The following RAP1GAP2 variants were observed in gnomAD, a reference collection of about 807,000 sequenced individuals.
The protein encoded by RAP1GAP2 is rap1 GTPase-activating protein 2.
RAP1GAP2 carries 27 observed loss-of-function variants against 95.0 expected under a neutral mutation model. That is an observed-to-expected ratio of 0.28 (90% CI 0.21 to 0.39). The LOEUF is 0.39. Among genes scored for constraint, RAP1GAP2 ranks in the 10% least tolerant of loss-of-function variants. The pLI, the probability that RAP1GAP2 is intolerant of heterozygous loss-of-function variation, is 1.00. For missense variants in RAP1GAP2, 771 were observed against 970.0 expected, an observed-to-expected ratio of 0.79 and a Z score of 2.72; for synonymous variants, 373 against 380.9, an observed-to-expected ratio of 0.98 and a Z score of 0.24.
chr17:3,029,837 T>C lies in RAP1GAP2; in HGVS notation c.2108-1085T>C, dbSNP rs2047236338. On this transcript the variant is annotated intron_variant, in intron 22 of 24. Transcript: ENST00000254695. The surrounding 1 kb of genome is among the most constrained non-coding windows in gnomAD (Gnocchi z 4.4). ...TAACGGAATTTTATTATACGATGGA[T>C]GTCAAACCCAGTGTACAAATACTAG... 1.3e-5 allele frequency among the ~76,000 whole-genome samples: 2 copies of C among 152,104 alleles called. No individual in the cohort carries two copies. The highest frequency in any genetic ancestry group is 4.8e-5 in the African/African-American group (2 of 41,484).
chr17:2,796,169 T>C (rs1172868754), upstream of RAP1GAP2, among the ~76,000 whole-genome samples: 1 of 152,150 alleles, frequency 6.6e-6, no homozygotes, highest in Admixed American at 6.5e-5. The surrounding 1 kb of genome is among the most constrained non-coding windows in gnomAD (Gnocchi z 4.7). Flanking sequence ...GTGGGAATCC[T>C]TGGGGCGCCT....
At chr17:3,020,341 C>T (rs555460501) in intron 18 of RAP1GAP2, 136 bp from the exon 19 acceptor site, 4 of 691,794 alleles carry the variant, frequency 5.8e-6, no homozygotes, top group Admixed American at 2.3e-5. Flanking sequence ...ACATAGATCT[C>T]AACCTTCCTA....
chr17:2,877,873 C>T (rs924056142), intron 2 of RAP1GAP2, among the ~76,000 whole-genome samples: 1 of 152,074 alleles, frequency 6.6e-6, no homozygotes, highest in Non-Finnish European at 1.5e-5. Context: ...TGGAAGGTCC[C>T]TGTAGCTCCT....
chr17:2,806,376 T>TTTATTATTATTATTATTATTATTATTA (rs4060867), intron 2 of RAP1GAP2, among the ~76,000 whole-genome samples: 63 of 139,950 alleles, frequency 4.5e-4, no homozygotes, highest in East Asian at 1.1e-3. Context: ...CTACAACCTT[T>TTTATTATTATTATTATTATTATTATTA]TTATTATTAT....
At chr17:2,921,041 T>C (rs868779703) in intron 3 of RAP1GAP2, among the ~76,000 whole-genome samples, 44 of 152,288 alleles carry the variant, frequency 2.9e-4, no homozygotes, top group African/African-American at 1.1e-3. Flanking sequence ...CCCCTCCCGC[T>C]GGCTTCTTCT....
Position 2,965,563 on chromosome 17 carries a change from C to T in RAP1GAP2, c.516C>T (p.Thr172=), listed in dbSNP as rs201169910. ...AGGATCATCTAAACTTTTACTGTAC[C>T]GGCAGCAGCCTGGGGAACTTGATCC... The part of the protein sequence containing the change: ...LGKDHLNFYC[T]GSSLGNLILS... Residue 172 remains threonine, a synonymous_variant, in exon 8 of 25, where the codon ACC becomes ACT. Coordinates refer to ENST00000254695, the MANE Select transcript of RAP1GAP2 (RefSeq NM_015085.5). The surrounding 1 kb of genome is among the most constrained non-coding windows in gnomAD (Gnocchi z 4.7). 492 of 1,612,474 alleles carry T rather than the reference C, an allele frequency of 3.1e-4. No individual in the cohort carries two copies. Among genetic ancestry groups the T allele is most frequent in the African/African-American group, 1.2e-3 (89 of 74,984 alleles).
In RAP1GAP2 at chr17:3,029,760, G is replaced by C. The variant is rs1567917856; in HGVS notation, c.2108-1162G>C. 6.6e-6 allele frequency among the ~76,000 whole-genome samples: 1 copy of C among 152,118 alleles called. No homozygotes were observed. Among genetic ancestry groups the C allele is most frequent in the Admixed American group, 6.6e-5 (1 of 15,266 alleles). ...AAAGTCAAGTGGCCCTCCTGCCAGCGGGGCACAGCGGGAAATGTTGACACC... is the reference window on the plus strand; with the variant it reads ...AAAGTCAAGTGGCCCTCCTGCCAGCCGGGCACAGCGGGAAATGTTGACACC... On this transcript the variant is annotated intron_variant, in intron 22 of 24. Coordinates refer to ENST00000254695, the MANE Select transcript of RAP1GAP2 (RefSeq NM_015085.5). This position sits in a 1 kb window ranked among gnomAD's most constrained non-coding sequence, Gnocchi z 4.4.
exon 2 of RAP1GAP2, chr17:2,770,333 G>C (rs1231604570): frequency 2.5e-6 from 1 of 398,536 alleles, no homozygotes; most frequent in African/African-American, 2.1e-5. Flanking sequence ...CCACAGGTAC[G>C]TGCAGGAAGG....
chr17:2,969,177 ATC>A (rs1035976060), intron 8 of RAP1GAP2, among the ~76,000 whole-genome samples: 230 of 100,070 alleles, frequency 2.3e-3, no homozygotes, highest in African/African-American at 7.0e-3. Context: ...CTATCTATCT[ATC>A]TATATATATA....
At chr17:2,795,543 C>T (rs926134995), upstream of RAP1GAP2, among the ~76,000 whole-genome samples, 1 of 152,232 alleles carries the variant, frequency 6.6e-6, no homozygotes. Context: ...CCCACACAGC[C>T]AGCGTGAAGC....
chr17:2,765,700 G>A (rs919684915), intron 1 of RAP1GAP2, among the ~76,000 whole-genome samples: 3 of 150,768 alleles, frequency 2.0e-5, no homozygotes, highest in Non-Finnish European at 4.4e-5. Flanking sequence ...CTGAGATCGC[G>A]CCACTGCACC....
At chr17:2,811,609 G>C (rs1007697702) in intron 2 of RAP1GAP2, among the ~76,000 whole-genome samples, 1 of 152,080 alleles carries the variant, frequency 6.6e-6, no homozygotes, top group African/African-American at 2.4e-5. Flanking sequence ...ACGGAGTCTC[G>C]CTCTGTCACC....
At chr17:2,891,917 C>G (rs1368135558) in intron 2 of RAP1GAP2, among the ~76,000 whole-genome samples, 3 of 144,580 alleles carry the variant, frequency 2.1e-5, no homozygotes, top group Admixed American at 7.4e-5. Flanking sequence ...TCTGCCTCCT[C>G]GGTTCAAGCG....
chr17:2,796,014 C>T (rs898231290), upstream of RAP1GAP2, among the ~76,000 whole-genome samples: 1 of 152,262 alleles, frequency 6.6e-6, no homozygotes, highest in Non-Finnish European at 1.5e-5. This position sits in a 1 kb window ranked among gnomAD's most constrained non-coding sequence, Gnocchi z 4.7. Context: ...GTGGCTGGTT[C>T]CTCTGGCGTG....
At chr17:2,854,037 G>A (rs1457372567) in intron 2 of RAP1GAP2, 4 of 985,046 alleles carry the variant, frequency 4.1e-6, no homozygotes, top group Non-Finnish European at 4.8e-6. Flanking sequence ...GAAAGGCGGG[G>A]ATCCGCGCCG....
intron 2 of RAP1GAP2, among the ~76,000 whole-genome samples, chr17:2,841,738 TTCCCAAATC>T (rs1176241109): frequency 2.6e-5 from 4 of 152,164 alleles, no homozygotes; most frequent in Non-Finnish European, 1.5e-5. Flanking sequence ...CCTGGCCTGT[TTCCCAAATC>T]CCCTTAAGAC....
intron 2 of RAP1GAP2, among the ~76,000 whole-genome samples, chr17:2,824,320 G>T (rs1277484295): frequency 6.6e-6 from 1 of 151,302 alleles, no homozygotes; most frequent in South Asian, 2.1e-4. Flanking sequence ...GGTGGCACAC[G>T]CCTGTAATCT....
intron 1 of RAP1GAP2, among the ~76,000 whole-genome samples, chr17:2,757,613 A>G (rs756135521): frequency 6.6e-6 from 1 of 151,992 alleles, no homozygotes; most frequent in African/African-American, 2.4e-5. Flanking sequence ...CTCTGTCTCC[A>G]TAGAGTGTTG....
At chr17:2,948,797 G>C (rs1330861901) in intron 3 of RAP1GAP2, among the ~76,000 whole-genome samples, 1 of 151,374 alleles carries the variant, frequency 6.6e-6, no homozygotes, top group Non-Finnish European at 1.5e-5. Flanking sequence ...GTGGACCAGG[G>C]GGAGGCAGGG....
Sources: gnomAD v4.1 joint callset for allele counts (sites outside exome capture counted in the v4.1 genomes callset) on GRCh38, gnomAD v4.1.1 for gene constraint, Gnocchi (gnomAD v3.1) non-coding constraint, MANE v1.5 for transcripts, NCBI Gene and HGNC (gene_info 2026-07-23, HGNC 2026-07-21) for gene names.